The following RANBP2 variants were observed in gnomAD, a reference collection of about 807,000 sequenced individuals.
RANBP2 encodes RAN binding protein 2, also known as E3 SUMO-protein ligase RanBP2.
RANBP2 carries 57 observed loss-of-function variants against 303.6 expected under a neutral mutation model. That is an observed-to-expected ratio of 0.19 (90% CI 0.15 to 0.23). RANBP2 has a LOEUF of 0.23. RANBP2 is among the 10% of genes least tolerant of loss of function. The pLI is 1.00. For missense variants in RANBP2, 3,138 were observed against 3,780.8 expected, an observed-to-expected ratio of 0.83 and a Z score of 4.46; for synonymous variants, 1,167 against 1,301.5, an observed-to-expected ratio of 0.90 and a Z score of 2.23.
chr2:108,924,577 G>GC, the RANBP2 span, among the ~76,000 whole-genome samples: 136 of 152,300 alleles, frequency 8.9e-4, no homozygotes, highest in Middle Eastern at 3.4e-3. Flanking sequence ...CCCCATGGAG[G>GC]CCCCTGCTGA....
At chr2:109,610,408 C>T in the RANBP2 span, among the ~76,000 whole-genome samples, 1 of 151,688 alleles carries the variant, frequency 6.6e-6, no homozygotes, top group Non-Finnish European at 1.5e-5. Flanking sequence ...ATTTTAATAT[C>T]CTCTTCTATT....
chr2:109,095,154 G>C, the RANBP2 span, among the ~76,000 whole-genome samples: 6 of 139,498 alleles, frequency 4.3e-5, no homozygotes, highest in Non-Finnish European at 8.0e-5. Flanking sequence ...GGAACATGTG[G>C]AGTTAGTCAT....
At chr2:109,532,003 G>C in the RANBP2 span, among the ~76,000 whole-genome samples, 2 of 152,244 alleles carry the variant, frequency 1.3e-5, no homozygotes, top group Non-Finnish European at 2.9e-5. Flanking sequence ...TGACAAAAGT[G>C]AATACACAGT....
chr2:109,491,341 C>G, the RANBP2 span, among the ~76,000 whole-genome samples: 1 of 152,226 alleles, frequency 6.6e-6, no homozygotes, highest in South Asian at 2.1e-4. Context: ...CAGCTCTTCC[C>G]TCGCAAGCCT....
At chr2:109,454,176 A>G in the RANBP2 span, among the ~76,000 whole-genome samples, 3 of 152,360 alleles carry the variant, frequency 2.0e-5, no homozygotes, top group African/African-American at 7.2e-5. Flanking sequence ...CATATTCATA[A>G]TAAAATAGGA....
the RANBP2 span, among the ~76,000 whole-genome samples, chr2:108,808,305 C>G: frequency 6.6e-6 from 1 of 152,176 alleles, no homozygotes; most frequent in Non-Finnish European, 1.5e-5. Flanking sequence ...ATTGCAAATA[C>G]TGCTGCAGTA....
At chr2:109,144,529 C>G in the RANBP2 span, among the ~76,000 whole-genome samples, 2 of 152,208 alleles carry the variant, frequency 1.3e-5, no homozygotes, top group Non-Finnish European at 2.9e-5. Flanking sequence ...AGAGTTTGAA[C>G]GAGGTGAATA....
chr2:108,738,448 CT>C, intron 6 of RANBP2, among the ~76,000 whole-genome samples: 8 of 152,046 alleles, frequency 5.3e-5, no homozygotes, highest in South Asian at 4.2e-4. Flanking sequence ...ATCTCTTGAC[CT>C]TCCAGTACCT....
chr2:109,736,344 T>A, the RANBP2 span, among the ~76,000 whole-genome samples: 2 of 152,206 alleles, frequency 1.3e-5, no homozygotes, highest in African/African-American at 4.8e-5. Flanking sequence ...TCCATTTCTT[T>A]GGCATGGGAG....
the RANBP2 span, chr2:109,501,914 T>C: frequency 1.1e-5 from 5 of 475,748 alleles, no homozygotes; most frequent in Non-Finnish European, 1.9e-5. Context: ...CTGTGGAAAC[T>C]GCAAAGAAAG....
the RANBP2 span, among the ~76,000 whole-genome samples, chr2:109,216,856 CATT>C: frequency 1.2e-4 from 18 of 152,232 alleles, no homozygotes; most frequent in African/African-American, 3.4e-4. Flanking sequence ...AGCACATTCT[CATT>C]GTTGTGAAAC....
chr2:109,671,544 C>G, the RANBP2 span, among the ~76,000 whole-genome samples: 3 of 152,152 alleles, frequency 2.0e-5, no homozygotes. Flanking sequence ...GAGTCCTCCC[C>G]CTTCTCCTGG....
At chr2:109,692,308 C>T in the RANBP2 span, among the ~76,000 whole-genome samples, 78 of 151,456 alleles carry the variant, frequency 5.2e-4, no homozygotes, top group African/African-American at 1.4e-3. Flanking sequence ...GTGGGGAGGG[C>T]GCTGGGGTTA....
rs1266449134 is a variant in RANBP2 at position 108,782,138 on chromosome 2, A to G, written c.8771A>G (p.Lys2924Arg). ...CATCTCCTATTATAGGTAGAAGTAA[A>G]ATCTGGAGAAGAAGATGAAGAAATT... The part of the protein sequence containing the change: ...PIVSLPEVEV[K>R]SGEEDEEILF... Residue 2924 changes from lysine (K) to arginine (R), a missense_variant, in exon 27 of 29, where the codon AAA becomes AGA. Physicochemically the swap from Lys to Arg is conservative, Grantham distance 26 (BLOSUM62 2). Around this residue, in one of 20 missense-constraint regions of RANBP2, gnomAD observed 68 missense variants for 117.4 expected, o/e 0.58. Coordinates refer to ENST00000283195, the MANE Select transcript of RANBP2 (RefSeq NM_006267.5). The G allele has an allele frequency of 6.2e-7, 1 of 1,613,970 alleles. No individual in the cohort carries two copies. The highest frequency in any genetic ancestry group is 8.5e-7 in the Non-Finnish European group (1 of 1,179,986).
Position 108,766,221 on chromosome 2 carries a change from T to G in RANBP2, c.5682T>G (p.Ser1894=). ...AAGAAGGATTTTCCATCCCTGTGTC[T>G]GCTGATGGATTTAAATTTGGCATTT... ...STKEGFSIPV[S]ADGFKFGISE... The change falls in exon 20 of 29, where the codon TCT becomes TCG. Residue 1894 remains serine (S), a synonymous_variant. Transcript: ENST00000283195. 1.2e-6 allele frequency: 2 copies of G among 1,612,194 alleles called. No individual in the cohort carries two copies. The highest frequency in any genetic ancestry group is 1.7e-6 in the Non-Finnish European group (2 of 1,179,994).
chr2:109,438,092 C>T, the RANBP2 span, among the ~76,000 whole-genome samples: 559 of 152,324 alleles, frequency 3.7e-3, 4 homozygotes, highest in Admixed American at 6.1e-3. Context: ...CTAACGAACA[C>T]GATGACCCAT....
At chr2:109,472,985 G>T in the RANBP2 span, among the ~76,000 whole-genome samples, 2 of 152,212 alleles carry the variant, frequency 1.3e-5, no homozygotes, top group African/African-American at 4.8e-5. Context: ...TACCCGACTC[G>T]TGGGGCCTTT....
chr2:108,752,183 CAG>C (rs1558903500), intron 12 of RANBP2, among the ~76,000 whole-genome samples, 189 bp downstream of exon 12: 1 of 151,758 alleles, frequency 6.6e-6, no homozygotes. Flanking sequence ...GCCTGGCACA[CAG>C]TGAATGTTAC....
the RANBP2 span, among the ~76,000 whole-genome samples, chr2:108,898,325 G>C: frequency 6.6e-6 from 1 of 152,132 alleles, no homozygotes; most frequent in Non-Finnish European, 1.5e-5. Flanking sequence ...CATGTCAGTA[G>C]CCATACTCCC....
Sources: allele counts gnomAD v4.1 joint callset (sites outside exome capture counted in the v4.1 genomes callset), GRCh38; gene constraint gnomAD v4.1.1; regional missense constraint gnomAD v4.1.1; transcripts MANE v1.5; gene names NCBI Gene and HGNC (gene_info 2026-07-23, HGNC 2026-07-21).